Variants in CTDP1 observed in about 807,000 individuals in gnomAD.
CTDP1 encodes CTD phosphatase 1, also known as RNA polymerase II subunit A C-terminal domain phosphatase.
In CTDP1, 47 loss-of-function variants were observed where a neutral mutation model predicts 91.8. The ratio of observed to expected loss-of-function variants is 0.51; its 90% CI spans 0.41 to 0.65. CTDP1 has a LOEUF of 0.65. Ranked by LOEUF, CTDP1 falls within the 30% of genes least tolerant of loss-of-function variation. The pLI is 0.00. For synonymous variants in CTDP1, 656 were observed against 598.5 expected, an observed-to-expected ratio of 1.10 and a Z score of -1.40; for missense variants, 1,272 against 1,373.7, an observed-to-expected ratio of 0.93 and a Z score of 1.17.
chr18:79,752,283 C>T (rs553978007), intron 12 of CTDP1, among the ~76,000 whole-genome samples: 9 of 145,734 alleles, frequency 6.2e-5, no homozygotes, highest in South Asian at 2.3e-4. Context: ...CTAGTGGCAC[C>T]GGCTGGTTAT....
At chr18:79,677,183 G>GT (rs1421870524), upstream of CTDP1, 2 of 152,290 alleles carry the variant, frequency 1.3e-5, no homozygotes, top group Non-Finnish European at 2.9e-5. Flanking sequence ...TGTTCACACA[G>GT]TGAGTGTGGA....
At chr18:79,687,787 C>T (rs1409479054) in intron 1 of CTDP1, among the ~76,000 whole-genome samples, 1 of 152,270 alleles carries the variant, frequency 6.6e-6, no homozygotes, top group Non-Finnish European at 1.5e-5. Flanking sequence ...AAGCATTTGA[C>T]ACCATGGCTC....
chr18:79,694,663 T>A (rs1220875961), intron 1 of CTDP1, among the ~76,000 whole-genome samples: 1 of 152,148 alleles, frequency 6.6e-6, no homozygotes, highest in Admixed American at 6.5e-5. Flanking sequence ...GGGCGGGCGC[T>A]GAGTGCCAGG....
At chr18:79,721,136 T>C (rs2122684157) in intron 10 of CTDP1, among the ~76,000 whole-genome samples, 1 of 152,306 alleles carries the variant, frequency 6.6e-6, no homozygotes, top group Non-Finnish European at 1.5e-5. Flanking sequence ...CGAAGCCTCC[T>C]ACCCTGGAGC....
At chr18:79,755,847 G>GGA (rs1172660784), downstream of CTDP1, 1 of 152,752 alleles carries the variant, frequency 6.5e-6, no homozygotes, top group African/African-American at 2.4e-5. Flanking sequence ...GAAGAGGACG[G>GGA]GAGGAGGGTG....
At chr18:79,725,351 A>G (rs997872418) in intron 10 of CTDP1, among the ~76,000 whole-genome samples, 1 of 152,094 alleles carries the variant, frequency 6.6e-6, no homozygotes, top group Non-Finnish European at 1.5e-5. Flanking sequence ...TTCCTTTCAC[A>G]TATTCGGGAG....
At chr18:79,678,997 T>C, upstream of CTDP1, 1 of 226,790 alleles carries the variant, frequency 4.4e-6, no homozygotes, top group Non-Finnish European at 9.0e-6. Flanking sequence ...CCCGCCAGCT[T>C]AATTCACGTA....
rs565691019 is a variant in CTDP1, at chr18:79,686,048, T to A, written c.314+5787T>A. On this transcript the variant is annotated intron_variant, in intron 1 of 12. Transcript: ENST00000613122. ...AACGTTTTGCTTTGTTTTTCCCACTTTTCACCTAACAGAAAACCACTGGGC... is the reference window on the plus strand; with the variant it reads ...AACGTTTTGCTTTGTTTTTCCCACTATTCACCTAACAGAAAACCACTGGGC... Among the ~76,000 whole-genome samples the A allele has an allele frequency of 1.4e-4, 21 of 152,350 alleles. No individual in the cohort carries two copies. In the East Asian group the frequency reaches 3.3e-3, roughly 24 times the overall value.
At chr18:79,726,126 G>A (rs1024534992) in intron 10 of CTDP1, among the ~76,000 whole-genome samples, 16 of 152,152 alleles carry the variant, frequency 1.1e-4, no homozygotes, top group African/African-American at 3.4e-4. Flanking sequence ...GCAGGGACAC[G>A]GATGCTGAGG....
chr18:79,714,692 A>G lies in CTDP1; in HGVS notation c.1232A>G (p.Gln411Arg), dbSNP rs764164164. The change falls in exon 8 of 13, where the codon CAG (glutamine) becomes CGG (arginine). Residue 411 changes from glutamine (Q) to arginine (R), a missense_variant. By Grantham distance (43) the Gln-to-Arg change is conservative (BLOSUM62 1). This residue lies in a region of CTDP1 where 881 missense variants were observed against 911.6 expected (regional missense o/e 0.97). Transcript: ENST00000613122. ...PDERDIWPPA[Q>R]APTSSQELAG... ...GAGAGGGACATCTGGCCCCCTGCCC[A>G]GGCCCCCACCAGCAGCCAAGAGCTG... 10 of 1,609,712 alleles carry G rather than the reference A, an allele frequency of 6.2e-6. No homozygotes were observed. In the East Asian group the frequency reaches 1.8e-4, roughly 29 times the overall value.
chr18:79,723,008 G>GACC (rs1442828722), intron 10 of CTDP1, among the ~76,000 whole-genome samples: 1 of 152,198 alleles, frequency 6.6e-6, no homozygotes, highest in African/African-American at 2.4e-5. Flanking sequence ...CGCCTGCCCA[G>GACC]TTCCCTGCAC....
Position 79,731,331 on chromosome 18 carries a change from G to A in CTDP1, c.2580+2262G>A, listed in dbSNP as rs560459157. Among the ~76,000 whole-genome samples, 5 of 152,300 alleles carry A rather than the reference G, an allele frequency of 3.3e-5. No homozygotes were observed. In the East Asian group the frequency reaches 9.6e-4, roughly 29 times the overall value. ...TTGGCTGCTCCAGTGGTAGAGGAAGGGTCTCCACGTCGACAGAGGAGAGGC... is the reference window on the plus strand; with the variant it reads ...TTGGCTGCTCCAGTGGTAGAGGAAGAGTCTCCACGTCGACAGAGGAGAGGC... On this transcript the variant is annotated intron_variant, in intron 11 of 12. Transcript: ENST00000613122.
At chr18:79,736,117 C>T in intron 11 of CTDP1, 1 of 589,808 alleles carries the variant, frequency 1.7e-6, no homozygotes, top group South Asian at 2.0e-5. Context: ...GGAATTTAAA[C>T]CCAATCTTTG....
intron 12 of CTDP1, among the ~76,000 whole-genome samples, chr18:79,744,827 C>T (rs1393304271): frequency 6.6e-6 from 1 of 152,130 alleles, no homozygotes; most frequent in Admixed American, 6.5e-5. Flanking sequence ...GATGCTGCCC[C>T]TGGAGGGGCC....
chr18:79,679,704 C>T, upstream of CTDP1: 1 of 522,814 alleles, frequency 1.9e-6, no homozygotes, highest in Non-Finnish European at 3.6e-6. Flanking sequence ...AGGGTTGGTC[C>T]CAGGACGGAG....
chr18:79,744,006 C>T (rs569411162), intron 12 of CTDP1, among the ~76,000 whole-genome samples: 2 of 152,294 alleles, frequency 1.3e-5, no homozygotes, highest in Admixed American at 1.3e-4. Context: ...AACCCGCCAC[C>T]CATTCTATCC....
At chr18:79,753,311 G>A (rs900160721) in intron 12 of CTDP1, among the ~76,000 whole-genome samples, 2 of 152,250 alleles carry the variant, frequency 1.3e-5, no homozygotes, top group Non-Finnish European at 2.9e-5. Context: ...TACTCTGACA[G>A]ATGATCTTAA....
intron 12 of CTDP1, among the ~76,000 whole-genome samples, 200 bp from the exon 13 acceptor site, chr18:79,753,452 C>A (rs921600509): frequency 3.9e-5 from 6 of 152,224 alleles, no homozygotes; most frequent in African/African-American, 1.2e-4. Context: ...AGGGCTGGGG[C>A]CTCTTCTCCT....
rs556425643 is a variant in CTDP1, at chr18:79,749,336, C to A, written c.2748-4316C>A. On this transcript the variant is annotated intron_variant, in intron 12 of 12. Coordinates refer to ENST00000613122, the MANE Select transcript of CTDP1 (RefSeq NM_004715.5). ...TCGGTCGGGGCCCCTGCCCCTGCCC[C>A]TGCTCTGCTCAGTGCCCCTGATACG... 1.3e-3 allele frequency among the ~76,000 whole-genome samples: 199 copies of A among 152,106 alleles called. 1 individual carries two copies. The highest frequency in any genetic ancestry group is 2.4e-3 in the Non-Finnish European group (166 of 68,016).
Sources: allele counts gnomAD v4.1 joint callset (sites outside exome capture counted in the v4.1 genomes callset), GRCh38; gene constraint gnomAD v4.1.1; regional missense constraint gnomAD v4.1.1; transcripts MANE v1.5; gene names NCBI Gene and HGNC (gene_info 2026-07-23, HGNC 2026-07-21).